The following WWTR1 variants were observed in gnomAD, a reference collection of about 807,000 sequenced individuals.
WWTR1 encodes WW domain-containing transcription regulator protein 1.
A neutral mutation model predicts 40.1 loss-of-function variants in WWTR1; 13 were observed. That is an observed-to-expected ratio of 0.32 (90% CI 0.21 to 0.52). WWTR1 has a LOEUF of 0.52. Among genes scored for constraint, WWTR1 ranks in the 20% least tolerant of loss-of-function variants. WWTR1 has a pLI of 0.97. For missense variants in WWTR1, 436 were observed against 523.1 expected, an observed-to-expected ratio of 0.83 and a Z score of 1.63; for synonymous variants, 230 against 210.1, an observed-to-expected ratio of 1.09 and a Z score of -0.82.
chr3:149,685,609 A>G (rs543612667), intron 1 of WWTR1, among the ~76,000 whole-genome samples: 30 of 152,190 alleles, frequency 2.0e-4, no homozygotes, highest in Non-Finnish European at 3.1e-4. Flanking sequence ...ACATTTTGGA[A>G]TCATTTTGTA....
At chr3:149,546,156 A>T (rs1052924829) in intron 3 of WWTR1, among the ~76,000 whole-genome samples, 7 of 152,186 alleles carry the variant, frequency 4.6e-5, no homozygotes, top group Non-Finnish European at 1.0e-4. Flanking sequence ...TAATGGTGGA[A>T]ACACTGGTTT....
chr3:149,714,676 C>T (rs1715558985), intron 5 of WWTR1, among the ~76,000 whole-genome samples: 1 of 152,220 alleles, frequency 6.6e-6, no homozygotes, highest in African/African-American at 2.4e-5. Context: ...AGCAGATAGG[C>T]TCCTGGGCAG....
At chr3:149,648,152 C>CA (rs1430597766) in intron 2 of WWTR1, among the ~76,000 whole-genome samples, 1 of 152,170 alleles carries the variant, frequency 6.6e-6, no homozygotes, top group Admixed American at 6.5e-5. Context: ...AGCCTTCATT[C>CA]ATCTCCCTCT....
upstream of WWTR1, among the ~76,000 whole-genome samples, chr3:149,704,960 A>G (rs1409515617): frequency 6.6e-6 from 1 of 152,088 alleles, no homozygotes; most frequent in East Asian, 1.9e-4. Context: ...AAAAAAGCTA[A>G]TAATATCTTC....
intron 2 of WWTR1, among the ~76,000 whole-genome samples, chr3:149,607,561 G>A (rs1018541235): frequency 2.6e-5 from 4 of 152,116 alleles, no homozygotes; most frequent in Non-Finnish European, 5.9e-5. Flanking sequence ...TGATCCGCCC[G>A]CCTCGGCCTC....
At chr3:149,588,002 C>T (rs1288132682) in intron 2 of WWTR1, among the ~76,000 whole-genome samples, 2 of 152,172 alleles carry the variant, frequency 1.3e-5, no homozygotes, top group Non-Finnish European at 2.9e-5. Flanking sequence ...AGTCCATTTG[C>T]ACAAAGCTTT....
chr3:149,612,744 G>T (rs1560084932), intron 2 of WWTR1, among the ~76,000 whole-genome samples: 1 of 152,116 alleles, frequency 6.6e-6, no homozygotes, highest in Non-Finnish European at 1.5e-5. Context: ...CTCAGCATTT[G>T]TCATATGAGA....
intron 5 of WWTR1, 119 bp from the exon 6 acceptor site, chr3:149,526,244 G>A (rs904407408): frequency 1.2e-5 from 7 of 574,022 alleles, no homozygotes; most frequent in Non-Finnish European, 2.0e-5. Flanking sequence ...AACTTTCCAG[G>A]TTAGGGAGGA....
chr3:149,628,139 G>A (rs1740663922), intron 2 of WWTR1, among the ~76,000 whole-genome samples: 1 of 151,280 alleles, frequency 6.6e-6, no homozygotes, highest in African/African-American at 2.4e-5. Context: ...GGGAGGTCGA[G>A]GTGGGCATAC....
intron 2 of WWTR1, among the ~76,000 whole-genome samples, chr3:149,598,295 T>C (rs1415323249): frequency 6.6e-6 from 1 of 152,240 alleles, no homozygotes; most frequent in Non-Finnish European, 1.5e-5. Flanking sequence ...AGCTGTTGGT[T>C]GCCTATAGAT....
chr3:149,615,340 T>C (rs530052631), intron 2 of WWTR1, among the ~76,000 whole-genome samples: 9 of 152,356 alleles, frequency 5.9e-5, no homozygotes, highest in Middle Eastern at 3.4e-3. Flanking sequence ...CACAAAATTA[T>C]ATGCTCTCCA....
intron 2 of WWTR1, among the ~76,000 whole-genome samples, chr3:149,623,639 T>G (rs934566663): frequency 2.0e-5 from 3 of 152,172 alleles, no homozygotes; most frequent in African/African-American, 7.2e-5. Context: ...ACATCCTTAT[T>G]TGAATAGGAG....
intron 2 of WWTR1, among the ~76,000 whole-genome samples, chr3:149,669,275 A>T (rs1279955790): frequency 6.6e-6 from 1 of 152,186 alleles, no homozygotes; most frequent in East Asian, 1.9e-4. Context: ...CTTTGTGACC[A>T]CATAATCTTA....
At chr3:149,708,696 G>A (rs1170176386) in intron 5 of WWTR1, among the ~76,000 whole-genome samples, 1 of 152,074 alleles carries the variant, frequency 6.6e-6, no homozygotes. Flanking sequence ...GCTATATTTT[G>A]TTTATCCATT....
intron 4 of WWTR1, among the ~76,000 whole-genome samples, chr3:149,723,333 C>G (rs1715803748): frequency 6.6e-6 from 1 of 151,948 alleles, no homozygotes; most frequent in Non-Finnish European, 1.5e-5. Context: ...GGATTACAGG[C>G]ATGTGCCACC....
chr3:149,594,950 C>CTTTTTTTTTTTTTTTT (rs563658190), intron 2 of WWTR1, among the ~76,000 whole-genome samples: 3 of 61,774 alleles, frequency 4.9e-5, no homozygotes, highest in African/African-American at 1.1e-4. Context: ...CTCTTTTTTA[C>CTTTTTTTTTTTTTTTT]TTTTTTTTTT....
intron 1 of WWTR1, among the ~76,000 whole-genome samples, chr3:149,676,474 C>G (rs1433373592): frequency 6.6e-6 from 1 of 151,736 alleles, no homozygotes; most frequent in Non-Finnish European, 1.5e-5. Flanking sequence ...AAAGAAGGAA[C>G]AAGAAAAAAA....
At chr3:149,712,598 T>C (rs1391669730) in intron 5 of WWTR1, among the ~76,000 whole-genome samples, 1 of 152,168 alleles carries the variant, frequency 6.6e-6, no homozygotes, top group Non-Finnish European at 1.5e-5. Flanking sequence ...ACCTGCAAAA[T>C]TAGGGTTGTG....
chr3:149,674,045 C>A lies in WWTR1; in HGVS notation c.-107-4154G>T, dbSNP rs559046073. Among the ~76,000 whole-genome samples, 10 of 71,708 alleles carry A rather than the reference C, an allele frequency of 1.4e-4. No individual in the cohort carries two copies. The South Asian group carries it at 3.9e-3, about 28-fold the overall frequency. The allele number at this position is 71,708 out of a possible 152,430, so 47.0% of individuals were successfully genotyped here. A position where few individuals can be genotyped will look rare whatever the true frequency, so the allele number is the denominator to read the frequency against. ...GACCGGCCTAGGCAACATAGTAAGA[C>A]CTCGTCTCTACAAAAAAAAAAAAAT... On this transcript the variant is annotated intron_variant, in intron 1 of 7. Transcript: ENST00000465804.
Sources: gnomAD v4.1 joint callset for allele counts (sites outside exome capture counted in the v4.1 genomes callset) on GRCh38, gnomAD v4.1.1 for gene constraint, MANE v1.5 for transcripts, NCBI Gene and HGNC (gene_info 2026-07-23, HGNC 2026-07-21) for gene names.